DYNC2H1: variants seen among roughly 807,000 people sequenced by gnomAD.
DYNC2H1 encodes the protein cytoplasmic dynein 2 heavy chain 1.
Under a neutral mutation model 570.0 loss-of-function variants are expected in DYNC2H1, and 410 were observed. The observed-to-expected ratio is 0.72, with a 90% CI of 0.66 to 0.78. The LOEUF (loss-of-function observed/expected upper bound fraction) is 0.78, where lower values mean the gene tolerates loss of function less well. DYNC2H1 is among the 30% of genes least tolerant of loss of function. The probability of loss-of-function intolerance (pLI) is 0.00; values close to 1 mark genes in which losing one functional copy is unlikely to be tolerated. For synonymous variants in DYNC2H1, 1,688 were observed against 1,677.6 expected (o/e 1.01, Z -0.15); for missense variants, 4,865 against 5,046.4 (o/e 0.96, Z 1.09).
rs1859373623 is a variant in DYNC2H1 at position 103,133,378 on chromosome 11, G to A, written c.1954-177G>A. Among the ~76,000 whole-genome samples the A allele has an allele frequency of 6.6e-6, 1 of 152,144 alleles. No homozygotes were observed. The highest frequency in any genetic ancestry group is 2.1e-4 in the South Asian group (1 of 4,822). ...TAGTTGTAAAAGGGAGAAGCTGGAAGAAATGGGCTACTCAATCTTTGCCAG... is the reference window on the plus strand; with the variant it reads ...TAGTTGTAAAAGGGAGAAGCTGGAAAAAATGGGCTACTCAATCTTTGCCAG... On this transcript the variant is annotated intron_variant, in intron 13 of 88. Coordinates refer to ENST00000375735, the MANE Select transcript of DYNC2H1 (RefSeq NM_001377.3). The surrounding 1 kb of genome is among the most constrained non-coding windows in gnomAD (Gnocchi z 4.8).
chr11:103,410,375 C>T (rs1432452328), intron 84 of DYNC2H1, among the ~76,000 whole-genome samples: 1 of 152,004 alleles, frequency 6.6e-6, no homozygotes, highest in Admixed American at 6.6e-5. Flanking sequence ...TGAGCTACAC[C>T]TTGACCTAAT....
At chr11:103,378,326 T>G (rs1941484660) in intron 83 of DYNC2H1, among the ~76,000 whole-genome samples, 1 of 152,200 alleles carries the variant, frequency 6.6e-6, no homozygotes, top group Non-Finnish European at 1.5e-5. Context: ...TCATATATAT[T>G]TTAAGTTCTC....
intron 54 of DYNC2H1, among the ~76,000 whole-genome samples, chr11:103,215,361 A>G (rs1159216561): frequency 6.6e-6 from 1 of 152,142 alleles, no homozygotes; most frequent in Non-Finnish European, 1.5e-5. Context: ...GCCTTGAAGT[A>G]TGTTGAATTT....
At chr11:103,188,422 T>C (rs1862163345) in intron 43 of DYNC2H1, 75 bp from the exon 44 acceptor site, 1 of 1,185,008 alleles carries the variant, frequency 8.4e-7, no homozygotes, top group Non-Finnish European at 1.2e-6. Context: ...AATTGAAACT[T>C]AGGCAAAAAT....
Position 103,465,575 on chromosome 11 carries a change from A to T in DYNC2H1, c.12649-3014A>T, listed in dbSNP as rs1324655478. The stretch of plus-strand genomic sequence containing the variant: ...CTCACAATTCTGTGGGTTGCCTAGT[A>T]GATCCTTTGCTGATTTACTCAGACC... On this transcript the variant is annotated intron_variant, in intron 87 of 88. Coordinates refer to ENST00000375735, the MANE Select transcript of DYNC2H1 (RefSeq NM_001377.3). The surrounding 1 kb of genome is among the most constrained non-coding windows in gnomAD (Gnocchi z 4.9). 1.3e-5 allele frequency among the ~76,000 whole-genome samples: 2 copies of T among 152,080 alleles called. No individual in the cohort carries two copies. The highest frequency in any genetic ancestry group is 4.8e-5 in the African/African-American group (2 of 41,408).
rs187291667 is a variant in DYNC2H1 at position 103,268,078 on chromosome 11, A to G, written c.10695+8101A>G. The stretch of plus-strand genomic sequence containing the variant: ...TGGTACACTTATTTTTATGTATAGT[A>G]TAAGTATTTCTATTCAGTAAATTTC... On this transcript the variant is annotated intron_variant, in intron 70 of 88. Transcript: ENST00000375735. This position sits in a 1 kb window ranked among gnomAD's most constrained non-coding sequence, Gnocchi z 4.6. 9.3e-4 allele frequency among the ~76,000 whole-genome samples: 142 copies of G among 152,070 alleles called. 1 individual carries two copies. Among genetic ancestry groups the G allele is most frequent in the African/African-American group, 3.3e-3 (135 of 41,470 alleles).
chr11:103,379,850 C>A (rs1273787914), intron 83 of DYNC2H1, among the ~76,000 whole-genome samples: 2 of 152,112 alleles, frequency 1.3e-5, no homozygotes, highest in Non-Finnish European at 2.9e-5. Context: ...TTACTTATTT[C>A]CCCTTCTGTG....
rs1220603975 is a variant in DYNC2H1, at chr11:103,439,934, C to T, written c.12456+3902C>T. Among the ~76,000 whole-genome samples, 1 of 151,946 alleles carries T rather than the reference C, an allele frequency of 6.6e-6. No homozygotes were observed. The highest frequency in any genetic ancestry group is 1.5e-5 in the Non-Finnish European group (1 of 68,006). The stretch of plus-strand genomic sequence containing the variant: ...GAGTTTCTTGTGTTCCTGATTTCCA[C>T]TCTGTGTTTTCCCTTTGGCTTGTAG... On this transcript the variant is annotated intron_variant, in intron 85 of 88. Coordinates refer to ENST00000375735, the MANE Select transcript of DYNC2H1 (RefSeq NM_001377.3). This position sits in a 1 kb window ranked among gnomAD's most constrained non-coding sequence, Gnocchi z 4.1.
chr11:103,117,088 A>T (rs1278726711), intron 5 of DYNC2H1, among the ~76,000 whole-genome samples: 1 of 150,302 alleles, frequency 6.7e-6, no homozygotes, highest in Non-Finnish European at 1.5e-5. Context: ...ACATAAGGTT[A>T]TATGTACAAA....
intron 82 of DYNC2H1, among the ~76,000 whole-genome samples, chr11:103,346,017 G>T (rs1002214330): frequency 2.6e-5 from 4 of 152,092 alleles, no homozygotes; most frequent in African/African-American, 7.2e-5. Context: ...TGAAGTTCCA[G>T]AATTGTATTA....
chr11:103,419,761 G>A (rs978782491), intron 84 of DYNC2H1, among the ~76,000 whole-genome samples: 1 of 152,142 alleles, frequency 6.6e-6, no homozygotes. Context: ...TACTGCAAGG[G>A]CACAGAACTG....
At chr11:103,356,542 A>T (rs767153080) in intron 82 of DYNC2H1, among the ~76,000 whole-genome samples, 4 of 152,214 alleles carry the variant, frequency 2.6e-5, no homozygotes, top group Admixed American at 6.5e-5. Flanking sequence ...TGTTTGACAA[A>T]TTTAAAACAC....
intron 70 of DYNC2H1, among the ~76,000 whole-genome samples, chr11:103,278,483 G>T (rs1865997791): frequency 6.6e-6 from 1 of 152,130 alleles, no homozygotes; most frequent in Non-Finnish European, 1.5e-5. Context: ...GATGTAATTT[G>T]TTTCTGGCTA....
chr11:103,380,311 C>G (rs756691476), intron 83 of DYNC2H1, among the ~76,000 whole-genome samples: 1 of 152,034 alleles, frequency 6.6e-6, no homozygotes, highest in Non-Finnish European at 1.5e-5. Context: ...TAACCACTTC[C>G]CTCTCCAGTC....
intron 84 of DYNC2H1, among the ~76,000 whole-genome samples, chr11:103,416,092 T>C (rs550777669): frequency 2.4e-4 from 37 of 152,148 alleles, no homozygotes; most frequent in African/African-American, 8.4e-4. Context: ...TAGGTGGGAA[T>C]TGAACATTGA....
In DYNC2H1 at chr11:103,117,512, A is replaced by G. The variant is rs943568629; in HGVS notation, c.767-119A>G. On this transcript the variant is annotated intron_variant, in intron 5 of 88. Coordinates refer to ENST00000375735, the MANE Select transcript of DYNC2H1 (RefSeq NM_001377.3). ...TCTAAGGACATGCATGTGGTATTTC[A>G]TAGATCCTTAGTTGGCTAATTTGTA... 2.4e-5 allele frequency: 19 copies of G among 801,538 alleles called. No homozygotes were observed. The Admixed American group carries it at 3.6e-4, about 15-fold the overall frequency. The allele number at this position is 801,538 out of a possible 1,614,324, so 49.7% of individuals were successfully genotyped here. A position where few individuals can be genotyped will look rare whatever the true frequency, so the allele number is the denominator to read the frequency against.
chr11:103,133,501 C>G lies in DYNC2H1; in HGVS notation c.1954-54C>G. ...GAACTTTTGATATAGAATATTGAAA[C>G]TTTTGGAAAAAAGAAATACTTATAC... On this transcript the variant is annotated intron_variant, in intron 13 of 88. Coordinates refer to ENST00000375735, the MANE Select transcript of DYNC2H1 (RefSeq NM_001377.3). The surrounding 1 kb of genome is among the most constrained non-coding windows in gnomAD (Gnocchi z 4.8). 1 of 1,515,082 alleles carries G rather than the reference C, an allele frequency of 6.6e-7. No individual in the cohort carries two copies. Among genetic ancestry groups the G allele is most frequent in the African/African-American group, 1.4e-5 (1 of 69,774 alleles). 93.9% of individuals were successfully genotyped at this position (1,515,082 alleles called of 1,614,324 possible).
Position 103,256,338 on chromosome 11 carries a change from ATGTG to A in DYNC2H1, c.10461+99_10461+102del. The A allele has an allele frequency of 8.2e-7, 1 of 1,215,314 alleles. No homozygotes were observed. Among genetic ancestry groups the A allele is most frequent in the African/African-American group, 1.6e-5 (1 of 64,038 alleles). The allele number at this position is 1,215,314 out of a possible 1,614,324, so 75.3% of individuals were successfully genotyped here. On this transcript the variant is annotated intron_variant, in intron 68 of 88. Transcript: ENST00000375735. This position sits in a 1 kb window ranked among gnomAD's most constrained non-coding sequence, Gnocchi z 4.0. ...GAATCAGGTCCTCAGGGGAAAGATG[ATGTG>A]AAAAGAAAAAAGCTATTCAAAAACA...
chr11:103,112,178 G>GT (rs1858147978), intron 1 of DYNC2H1, among the ~76,000 whole-genome samples: 2 of 152,086 alleles, frequency 1.3e-5, no homozygotes, highest in Non-Finnish European at 2.9e-5. Context: ...AAAAGAAACT[G>GT]TAAGTACCAA....
Sources: allele counts gnomAD v4.1 joint callset (sites outside exome capture counted in the v4.1 genomes callset), GRCh38; gene constraint gnomAD v4.1.1; non-coding constraint Gnocchi (gnomAD v3.1); transcripts MANE v1.5; gene names NCBI Gene and HGNC (gene_info 2026-07-23, HGNC 2026-07-21).